CA10: variants seen among roughly 807,000 people sequenced by gnomAD.
CA10 encodes the protein carbonic anhydrase-related protein 10.
In CA10, 14 loss-of-function variants were observed where a neutral mutation model predicts 44.2. The ratio of observed to expected loss-of-function variants is 0.32; its 90% CI spans 0.21 to 0.50. The LOEUF (loss-of-function observed/expected upper bound fraction) is 0.50. Ranked by LOEUF, CA10 falls within the 20% of genes least tolerant of loss-of-function variation. CA10 has a pLI of 0.99. For missense variants in CA10, 350 were observed against 409.7 expected, an observed-to-expected ratio of 0.85 and a Z score of 1.26; for synonymous variants, 159 against 141.6, an observed-to-expected ratio of 1.12 and a Z score of -0.87.
intron 2 of CA10, among the ~76,000 whole-genome samples, chr17:52,071,257 G>A (rs951503669): frequency 6.6e-5 from 10 of 152,202 alleles, no homozygotes; most frequent in African/African-American, 2.2e-4. Flanking sequence ...ATTCATTTCT[G>A]AGGCTATTTG....
intron 1 of CA10, among the ~76,000 whole-genome samples, chr17:52,095,278 T>C (rs527889701): frequency 6.6e-6 from 1 of 152,086 alleles, no homozygotes; most frequent in Non-Finnish European, 1.5e-5. Context: ...TTCATAGTTA[T>C]AAAGGTCAGA....
chr17:51,973,178 G>A (rs1984342199), intron 2 of CA10, among the ~76,000 whole-genome samples: 1 of 152,224 alleles, frequency 6.6e-6, no homozygotes, highest in Admixed American at 6.5e-5. Flanking sequence ...ACATGGATAA[G>A]AGAGAACACA....
At chr17:51,832,980 T>C (rs1412525962) in intron 3 of CA10, among the ~76,000 whole-genome samples, 1 of 152,166 alleles carries the variant, frequency 6.6e-6, no homozygotes, top group Non-Finnish European at 1.5e-5. Flanking sequence ...TTTTCAGTTC[T>C]AAGATCCAAA....
intron 1 of CA10, among the ~76,000 whole-genome samples, chr17:52,149,329 A>G (rs1174238924): frequency 5.3e-5 from 8 of 152,256 alleles, no homozygotes; most frequent in Non-Finnish European, 4.4e-5. Flanking sequence ...CACTTCTCCC[A>G]GATCAGTAGG....
Position 52,022,612 on chromosome 17 carries a change from C to T in CA10, c.136+49707G>A, listed in dbSNP as rs957473281. Reference sequence around the variant, plus strand: ...CTGAGTACTAGAACTCCTAGCCAGACAAATCAGGCAAGAGAAAGAAATAAA... The same window carrying T: ...CTGAGTACTAGAACTCCTAGCCAGATAAATCAGGCAAGAGAAAGAAATAAA... On this transcript the variant is annotated intron_variant, in intron 2 of 8. Coordinates refer to ENST00000451037, the MANE Select transcript of CA10 (RefSeq NM_020178.5). 4.6e-5 allele frequency among the ~76,000 whole-genome samples: 7 copies of T among 151,926 alleles called. No individual in the cohort carries two copies. The East Asian group carries it at 1.4e-3, about 29-fold the overall frequency.
intron 4 of CA10, among the ~76,000 whole-genome samples, chr17:51,658,743 G>A (rs557012085): frequency 4.6e-5 from 7 of 152,308 alleles, no homozygotes; most frequent in Non-Finnish European, 1.0e-4. Flanking sequence ...TTGATCTGAT[G>A]TGCATTTTTG....
At chr17:51,635,197 C>A (rs1445996881) in intron 7 of CA10, among the ~76,000 whole-genome samples, 1 of 152,128 alleles carries the variant, frequency 6.6e-6, no homozygotes, top group African/African-American at 2.4e-5. Context: ...GAGCCTCAGA[C>A]ACAGGGAGAA....
chr17:51,763,744 T>TAC (rs144957941), intron 3 of CA10, among the ~76,000 whole-genome samples: 3,356 of 152,190 alleles, frequency 0.022, 142 homozygotes, highest in African/African-American at 0.076. Context: ...GTTGCTTATA[T>TAC]ACACACACAC....
chr17:52,156,186 CAA>C (rs1457108355), intron 1 of CA10, among the ~76,000 whole-genome samples: 2 of 152,094 alleles, frequency 1.3e-5, no homozygotes, highest in Non-Finnish European at 2.9e-5. Flanking sequence ...TATTCTGGAA[CAA>C]GAGAGAGAGT....
chr17:51,932,178 T>C (rs953131181), intron 2 of CA10, among the ~76,000 whole-genome samples: 1 of 152,030 alleles, frequency 6.6e-6, no homozygotes, highest in Non-Finnish European at 1.5e-5. Context: ...TCGAGTATGT[T>C]ATGAGACTCC....
chr17:52,153,700 T>C (rs576358084), intron 1 of CA10, among the ~76,000 whole-genome samples: 2 of 152,182 alleles, frequency 1.3e-5, no homozygotes, highest in African/African-American at 4.8e-5. Context: ...ATGGTTTTCT[T>C]TTTGCTTTTA....
intron 2 of CA10, among the ~76,000 whole-genome samples, chr17:52,057,871 C>T (rs1245607805): frequency 6.6e-6 from 1 of 152,212 alleles, no homozygotes; most frequent in East Asian, 1.9e-4. Context: ...TATGTTCCTT[C>T]CTTTGTGCAC....
intron 1 of CA10, among the ~76,000 whole-genome samples, chr17:52,092,387 A>C (rs1261053111): frequency 6.6e-6 from 1 of 152,224 alleles, no homozygotes; most frequent in African/African-American, 2.4e-5. Context: ...TAAATCAGGA[A>C]ACTGAAGCTT....
intron 4 of CA10, among the ~76,000 whole-genome samples, chr17:51,745,948 C>T (rs1372817342): frequency 2.0e-5 from 3 of 152,090 alleles, no homozygotes; most frequent in East Asian, 1.9e-4. Context: ...TAATTCAGAC[C>T]GGCAGTACCC....
At chr17:52,066,543 C>T (rs1009584418) in intron 2 of CA10, among the ~76,000 whole-genome samples, 1 of 152,160 alleles carries the variant, frequency 6.6e-6, no homozygotes, top group Non-Finnish European at 1.5e-5. Flanking sequence ...GGGAGTTCCT[C>T]TGCACAAGCT....
chr17:51,985,670 A>C (rs1193263230), intron 2 of CA10, among the ~76,000 whole-genome samples: 2 of 152,052 alleles, frequency 1.3e-5, no homozygotes, highest in Non-Finnish European at 2.9e-5. Flanking sequence ...CCAGATACAA[A>C]ATTAATATAC....
intron 2 of CA10, among the ~76,000 whole-genome samples, chr17:52,003,709 T>G (rs1037017648): frequency 1.3e-5 from 2 of 151,804 alleles, no homozygotes; most frequent in African/African-American, 4.8e-5. Flanking sequence ...GAAACAAAAG[T>G]TCACACAAAA....
At chr17:51,878,007 G>T (rs975234824) in intron 3 of CA10, among the ~76,000 whole-genome samples, 3 of 151,748 alleles carry the variant, frequency 2.0e-5, no homozygotes, top group African/African-American at 7.3e-5. Flanking sequence ...AGCCAGGCAT[G>T]GTGGCACACG....
chr17:52,048,290 A>G lies in CA10; in HGVS notation c.136+24029T>C, dbSNP rs575195587. Among the ~76,000 whole-genome samples the G allele has an allele frequency of 4.6e-5, 7 of 152,134 alleles. No individual in the cohort carries two copies. The East Asian group carries it at 1.4e-3, about 30-fold the overall frequency. ...GAATCATTCCACTGGAAAGCAAGAC[A>G]AAGGGGGCAGTGCTCTGCAGGTACT... is the stretch of plus-strand genomic sequence containing the variant. On this transcript the variant is annotated intron_variant, in intron 2 of 8. Transcript: ENST00000451037.
Sources: allele counts gnomAD v4.1 joint callset (sites outside exome capture counted in the v4.1 genomes callset), GRCh38; gene constraint gnomAD v4.1.1; transcripts MANE v1.5; gene names NCBI Gene and HGNC (gene_info 2026-07-23, HGNC 2026-07-21).